Variants in DYNC2H1 observed in about 807,000 individuals in gnomAD.
DYNC2H1 encodes the protein cytoplasmic dynein 2 heavy chain 1.
Under a neutral mutation model 570.0 loss-of-function variants are expected in DYNC2H1, and 410 were observed. The observed-to-expected ratio is 0.72, with a 90% CI of 0.66 to 0.78. DYNC2H1 has a LOEUF of 0.78. DYNC2H1 is among the 30% of genes least tolerant of loss of function. The probability of loss-of-function intolerance (pLI) is 0.00; values close to 1 mark genes in which losing one functional copy is unlikely to be tolerated. For synonymous variants in DYNC2H1, 1,688 were observed against 1,677.6 expected (o/e 1.01, Z -0.15); for missense variants, 4,865 against 5,046.4 (o/e 0.96, Z 1.09).
rs1945024515 is a variant in DYNC2H1 at position 103,461,830 on chromosome 11, A to G, written c.12648+5474A>G. Among the ~76,000 whole-genome samples, 1 of 152,052 alleles carries G rather than the reference A, an allele frequency of 6.6e-6. No individual in the cohort carries two copies. Among genetic ancestry groups the G allele is most frequent in the Non-Finnish European group, 1.5e-5 (1 of 68,010 alleles). ...AGTCTGCATATTTCAAGGTTTTAAG[A>G]TTTAGAAACATTCCACCTTTTTCTC... On this transcript the variant is annotated intron_variant, in intron 87 of 88. Coordinates refer to ENST00000375735, the MANE Select transcript of DYNC2H1 (RefSeq NM_001377.3). This position sits in a 1 kb window ranked among gnomAD's most constrained non-coding sequence, Gnocchi z 4.8.
chr11:103,163,197 T>C lies in DYNC2H1; in HGVS notation c.4611+50T>C, dbSNP rs866089203. 8 of 1,543,472 alleles carry C rather than the reference T, an allele frequency of 5.2e-6. No homozygotes were observed. The Middle Eastern group carries it at 1.4e-3, about 268-fold the overall frequency. On this transcript the variant is annotated intron_variant, in intron 30 of 88. Coordinates refer to ENST00000375735, the MANE Select transcript of DYNC2H1 (RefSeq NM_001377.3). The surrounding 1 kb of genome is among the most constrained non-coding windows in gnomAD (Gnocchi z 4.6). ...TACATAGGCATGGAACGTGGAAAGA[T>C]CCCTGACCTAGAAGCCAGGAGGCTC...
intron 83 of DYNC2H1, among the ~76,000 whole-genome samples, chr11:103,373,894 G>A (rs1351083583): frequency 3.3e-5 from 5 of 152,020 alleles, no homozygotes; most frequent in Non-Finnish European, 7.4e-5. Flanking sequence ...ATTTACAGTT[G>A]CTACATCCTC....
chr11:103,188,471 T>C lies in DYNC2H1; in HGVS notation c.7141-26T>C, dbSNP rs58769279. 8,358 of 1,494,088 alleles carry C rather than the reference T, an allele frequency of 5.6e-3. 368 individuals carry two copies. In the African/African-American group the frequency reaches 0.099, roughly 18 times the overall value. The allele number at this position is 1,494,088 out of a possible 1,614,324, so 92.6% of individuals were successfully genotyped here. ...ATTAGGAAATCTTAGATAAAAAACG[T>C]TTAAAATATATTTATTTTCAAATAG... On this transcript the variant is annotated intron_variant, in intron 43 of 88. Coordinates refer to ENST00000375735, the MANE Select transcript of DYNC2H1 (RefSeq NM_001377.3).
chr11:103,286,236 G>A lies in DYNC2H1; in HGVS notation c.10891-19G>A, dbSNP rs780319618. On this transcript the variant is annotated intron_variant, in intron 73 of 88. Coordinates refer to ENST00000375735, the MANE Select transcript of DYNC2H1 (RefSeq NM_001377.3). ...TATTTGCTTATAGCTCACTGTATATGGCCATTTTTATTTTTTAGATTGCTC... is the reference window on the plus strand; with the variant it reads ...TATTTGCTTATAGCTCACTGTATATAGCCATTTTTATTTTTTAGATTGCTC... 1 of 1,611,732 alleles carries A rather than the reference G, an allele frequency of 6.2e-7. No homozygotes were observed. Among genetic ancestry groups the A allele is most frequent in the Non-Finnish European group, 8.5e-7 (1 of 1,179,332 alleles).
chr11:103,386,547 C>A (rs61896838), intron 83 of DYNC2H1, among the ~76,000 whole-genome samples: 3 of 151,756 alleles, frequency 2.0e-5, no homozygotes, highest in Non-Finnish European at 2.9e-5. Flanking sequence ...ATGTGCACAG[C>A]GTGCAGGTTT....
chr11:103,356,805 ACATT>A (rs1223133599), intron 82 of DYNC2H1, among the ~76,000 whole-genome samples: 1 of 152,218 alleles, frequency 6.6e-6, no homozygotes, highest in African/African-American at 2.4e-5. Context: ...GTTAAATCCT[ACATT>A]CATTCTGAAA....
chr11:103,477,853 A>AAAAAAAAAAAC (rs1945608937), intron 88 of DYNC2H1, among the ~76,000 whole-genome samples: 1 of 151,102 alleles, frequency 6.6e-6, no homozygotes, highest in Non-Finnish European at 1.5e-5. Flanking sequence ...AAAAAAAAAA[A>AAAAAAAAAAAC]AAAGATCAAT....
chr11:103,216,054 G>A (rs1349368026), intron 55 of DYNC2H1, among the ~76,000 whole-genome samples, 196 bp downstream of exon 55: 1 of 152,136 alleles, frequency 6.6e-6, no homozygotes, highest in African/African-American at 2.4e-5. Context: ...TGATCACTCG[G>A]TGCACTCAGT....
intron 81 of DYNC2H1, 64 bp from the exon 82 acceptor site, chr11:103,323,822 T>A (rs1412043831): frequency 8.3e-7 from 1 of 1,201,308 alleles, no homozygotes; most frequent in Non-Finnish European, 1.2e-6. Flanking sequence ...TCTTTCTTAT[T>A]TCAATGATTG....
In DYNC2H1 at chr11:103,115,296, G is replaced by C. The variant is rs766992862; in HGVS notation, c.621+1G>C. On this transcript the variant is annotated splice_donor_variant, in intron 4 of 88. Coordinates refer to ENST00000375735, the MANE Select transcript of DYNC2H1 (RefSeq NM_001377.3). LOFTEE classifies it high-confidence loss of function. ...AGAATTATTTGAAACAATTGCAAGA[G>C]TATGTGATTCATAAATGGTGATATA... The C allele has an allele frequency of 1.3e-6, 2 of 1,558,208 alleles. No individual in the cohort carries two copies. Among genetic ancestry groups the C allele is most frequent in the East Asian group, 2.3e-5 (1 of 43,058 alleles).
rs999810385 is a variant in DYNC2H1, at chr11:103,144,846, C to G, written c.2702+1451C>G. ...CCTGGAGGCATACTGGCTAGTCTGT[C>G]AGTCATCCAGAAGACCAGTAATAAT... On this transcript the variant is annotated intron_variant, in intron 18 of 88. Transcript: ENST00000375735. 6.6e-5 allele frequency among the ~76,000 whole-genome samples: 10 copies of G among 151,314 alleles called. No homozygotes were observed. In the Admixed American group the frequency reaches 6.6e-4, roughly 10 times the overall value.
At chr11:103,314,676 T>C (rs79367923) in intron 79 of DYNC2H1, among the ~76,000 whole-genome samples, 2,726 of 152,068 alleles carry the variant, frequency 0.018, 83 homozygotes, top group African/African-American at 0.062. Flanking sequence ...GTCACTTTTT[T>C]TCATACCATA....
intron 83 of DYNC2H1, among the ~76,000 whole-genome samples, chr11:103,362,333 C>CTTTTTTTTTTTT (rs1230736946): frequency 1.2e-4 from 3 of 25,166 alleles, no homozygotes; most frequent in Non-Finnish European, 1.7e-4. Context: ...TTTTTTTTTT[C>CTTTTTTTTTTTT]TTTTTTTTTT....
intron 88 of DYNC2H1, among the ~76,000 whole-genome samples, chr11:103,470,739 A>G (rs140638714): frequency 0.014 from 2,110 of 152,368 alleles, 28 homozygotes; most frequent in Admixed American, 0.023. Context: ...TACAAAGGAC[A>G]TGAACTCATC....
rs1355597366 is a variant in DYNC2H1 at position 103,249,950 on chromosome 11, A to G, written c.10043-3335A>G. On this transcript the variant is annotated intron_variant, in intron 65 of 88. Transcript: ENST00000375735. The surrounding 1 kb of genome is among the most constrained non-coding windows in gnomAD (Gnocchi z 4.6). ...GTACATTTTTCTTGAATTATTTATAAATCGCCTAACACAAGCCAAAATCCT... is the reference window on the plus strand; with the variant it reads ...GTACATTTTTCTTGAATTATTTATAGATCGCCTAACACAAGCCAAAATCCT... 6.6e-6 allele frequency among the ~76,000 whole-genome samples: 1 copy of G among 152,006 alleles called. No homozygotes were observed. Among genetic ancestry groups the G allele is most frequent in the Non-Finnish European group, 1.5e-5 (1 of 67,948 alleles).
intron 85 of DYNC2H1, among the ~76,000 whole-genome samples, chr11:103,453,615 C>CATATATATATATATATATATATATATAT (rs66628059): frequency 1.4e-4 from 19 of 136,596 alleles, no homozygotes; most frequent in African/African-American, 5.2e-4. Flanking sequence ...TTAGTTTAGA[C>CATATATATATATATATATATATATATAT]ATATATATAT....
intron 85 of DYNC2H1, among the ~76,000 whole-genome samples, chr11:103,450,533 T>C (rs767200076): frequency 5.3e-5 from 8 of 152,156 alleles, no homozygotes; most frequent in Admixed American, 1.3e-4. Flanking sequence ...GTAACAAAGA[T>C]TTATTGAAAA....
chr11:103,113,988 A>C, intron 2 of DYNC2H1, 115 bp from the exon 3 acceptor site: 1 of 1,182,082 alleles, frequency 8.5e-7, no homozygotes, highest in Non-Finnish European at 1.2e-6. Flanking sequence ...CTTCTTATGA[A>C]GTGGAGGTAG....
chr11:103,360,787 G>A (rs2671331), intron 83 of DYNC2H1, among the ~76,000 whole-genome samples: 84,036 of 151,996 alleles, frequency 0.55, 24,983 homozygotes, highest in Admixed American at 0.66. Context: ...AGAGATATTA[G>A]AAGATGAAGC....
Sources: gnomAD v4.1 joint callset for allele counts (sites outside exome capture counted in the v4.1 genomes callset) on GRCh38, gnomAD v4.1.1 for gene constraint, Gnocchi (gnomAD v3.1) non-coding constraint, MANE v1.5 for transcripts, NCBI Gene and HGNC (gene_info 2026-07-23, HGNC 2026-07-21) for gene names.